USP30: variants seen among roughly 807,000 people sequenced by gnomAD.
USP30 encodes the protein ubiquitin carboxyl-terminal hydrolase 30.
A neutral mutation model predicts 68.2 loss-of-function variants in USP30; 41 were observed. The observed-to-expected ratio is 0.60, with a 90% CI of 0.47 to 0.78. The LOEUF (loss-of-function observed/expected upper bound fraction) is 0.78. USP30 is among the 30% of genes least tolerant of loss of function. USP30 has a pLI of 0.00. For synonymous variants in USP30, 229 were observed against 253.7 expected (o/e 0.90, Z 0.93); for missense variants, 522 against 649.4 (o/e 0.80, Z 2.13).
At position 109,042,937 on chromosome 12, in the gene USP30, C is replaced by T. The variant is rs2040574976; in HGVS notation, c.-135-4653C>T. Among the ~76,000 whole-genome samples the T allele has an allele frequency of 3.3e-5, 5 of 152,198 alleles. No homozygotes were observed. In the South Asian group the frequency reaches 1.0e-3, roughly 32 times the overall value. On this transcript the variant is annotated intron_variant, in intron 3 of 15. Transcript: ENST00000392784. ...ACAAAGAAAGTCAATACACAAGAAT[C>T]CATTGCATTTCTAGATACTAACAAT...
rs1242162647 is a variant in USP30 at position 109,086,962 on chromosome 12, A to C, written c.*1031A>C. ...AAGGGTTAGATTTGATGACCACCAA[A>C]GTTCAGCCCTTTTCACGAAAAGGAG... is the stretch of plus-strand genomic sequence containing the variant. On this transcript the variant is annotated 3_prime_UTR_variant, in exon 13 of 13. Transcript: ENST00000257548. 1 of 152,062 alleles carries C rather than the reference A, an allele frequency of 6.6e-6. No individual in the cohort carries two copies. The highest frequency in any genetic ancestry group is 1.5e-5 in the Non-Finnish European group (1 of 68,022). 9.4% of individuals were successfully genotyped at this position (152,062 alleles called of 1,614,324 possible).
intron 3 of USP30, among the ~76,000 whole-genome samples, chr12:109,037,121 A>G (rs1387329640): frequency 6.6e-6 from 1 of 151,140 alleles, no homozygotes; most frequent in Non-Finnish European, 1.5e-5. Flanking sequence ...TCCTTCAATT[A>G]TTTTTCCTTC....
intron 3 of USP30, among the ~76,000 whole-genome samples, chr12:109,060,756 G>T (rs920049526): frequency 6.6e-6 from 1 of 151,940 alleles, no homozygotes; most frequent in Non-Finnish European, 1.5e-5. Context: ...CCAGGTTCAA[G>T]CAATTCTCCT....
chr12:109,073,403 A>G, intron 6 of USP30, 35 bp from the exon 7 acceptor site: 3 of 1,493,214 alleles, frequency 2.0e-6, no homozygotes, highest in Non-Finnish European at 2.8e-6. Context: ...CCAAAGGGCT[A>G]AAAGTGACAT....
chr12:109,058,998 G>C (rs2040970604), intron 3 of USP30, among the ~76,000 whole-genome samples: 1 of 152,158 alleles, frequency 6.6e-6, no homozygotes, highest in African/African-American at 2.4e-5. Flanking sequence ...ACTCAGTACT[G>C]TTTGACCCAG....
upstream of USP30, among the ~76,000 whole-genome samples, chr12:109,050,767 G>A (rs2040655240): frequency 6.6e-6 from 1 of 151,898 alleles, no homozygotes. Context: ...CCAACACTTT[G>A]GGAGCCCGAG....
At chr12:109,061,732 C>T (rs1004384077) in intron 3 of USP30, among the ~76,000 whole-genome samples, 1 of 151,966 alleles carries the variant, frequency 6.6e-6, no homozygotes, top group Non-Finnish European at 1.5e-5. Context: ...TTTAATTATA[C>T]AAGTAATGCA....
In USP30 at chr12:109,081,362, G is replaced by GCCTTTCA; in HGVS notation, c.751_757dup (p.Leu253ProfsTer35). The GCCTTTCA allele has an allele frequency of 1.2e-6, 2 of 1,614,020 alleles. No homozygotes were observed. Among genetic ancestry groups the GCCTTTCA allele is most frequent in the Non-Finnish European group, 1.7e-6 (2 of 1,180,002 alleles). On this transcript the variant is annotated frameshift_variant, in exon 8 of 13. Transcript: ENST00000257548. LOFTEE classifies it high-confidence loss of function. ...CCTGTTCGATTTGATACCTTTGATAGCCTTTCACTAAGTATTCCAGCCGCC... is the reference window on the plus strand; with the variant it reads ...CCTGTTCGATTTGATACCTTTGATAGCCTTTCACCTTTCACTAAGTATTCCAGCCGCC...
chr12:109,084,088 C>T lies in USP30; in HGVS notation c.1169-865C>T, dbSNP rs74690825. Among the ~76,000 whole-genome samples, 1,437 of 152,262 alleles carry T rather than the reference C, an allele frequency of 9.4e-3. 12 individuals are homozygous for T. Among genetic ancestry groups the T allele is most frequent in the South Asian group, 0.041 (199 of 4,826 alleles). ...TAAAGATGCCAGCAGTAGGGCCACT[C>T]GTGGTGGCTCACACCTGCAATCCCA... is the stretch of plus-strand genomic sequence containing the variant. On this transcript the variant is annotated intron_variant, in intron 11 of 12. Transcript: ENST00000257548.
intron 1 of USP30, chr12:109,053,963 A>G (rs2040757223): frequency 2.2e-6 from 1 of 455,678 alleles, no homozygotes; most frequent in Non-Finnish European, 4.4e-6. Context: ...ACTGTGACCA[A>G]GTTGGGCTCT....
Position 109,082,975 on chromosome 12 carries a change from C to A in USP30, c.1081C>A (p.His361Asn). 6.2e-7 allele frequency: 1 copy of A among 1,614,216 alleles called. No individual in the cohort carries two copies. The highest frequency in any genetic ancestry group is 2.2e-5 in the East Asian group (1 of 44,882). The change falls in exon 11 of 13, where the codon CAT (histidine) becomes AAT (asparagine). Residue 361 changes from histidine to asparagine, a missense_variant. Physicochemically the swap from His to Asn is moderately conservative, Grantham distance 68 (BLOSUM62 1). Coordinates refer to ENST00000257548, the MANE Select transcript of USP30 (RefSeq NM_032663.5). Reference protein sequence around the residue: ...MDIYKYHLLGHKPSQHNPKLN... With the variant: ...MDIYKYHLLGNKPSQHNPKLN... The stretch of plus-strand genomic sequence containing the variant: ...CATTTACAAGTACCACCTCCTTGGA[C>A]ATAAACCTAGTCAACACAACCCTAA...
chr12:109,074,546 G>T (rs2041538220), intron 7 of USP30, among the ~76,000 whole-genome samples: 1 of 152,148 alleles, frequency 6.6e-6, no homozygotes, highest in South Asian at 2.1e-4. Context: ...TTTGATGTCA[G>T]CCCACTCTCT....
chr12:109,026,542 C>T (rs1416107916), intron 2 of USP30, among the ~76,000 whole-genome samples: 1 of 151,928 alleles, frequency 6.6e-6, no homozygotes, highest in Non-Finnish European at 1.5e-5. Context: ...TCACTGCAGC[C>T]TCAACCTCCC....
chr12:109,042,133 C>T (rs954409837), intron 3 of USP30, among the ~76,000 whole-genome samples: 2 of 151,214 alleles, frequency 1.3e-5, no homozygotes, highest in Non-Finnish European at 2.9e-5. Flanking sequence ...TATCTTCATA[C>T]GAGATTGTGA....
intron 3 of USP30, among the ~76,000 whole-genome samples, chr12:109,045,908 A>C (rs1385740079): frequency 1.3e-5 from 2 of 152,174 alleles, no homozygotes; most frequent in Non-Finnish European, 2.9e-5. Context: ...ACATGTAGAC[A>C]TAGATATAGA....
chr12:109,037,236 A>G (rs1027267194), intron 3 of USP30, among the ~76,000 whole-genome samples: 1 of 152,130 alleles, frequency 6.6e-6, no homozygotes, highest in Non-Finnish European at 1.5e-5. Flanking sequence ...CAGTTATTCT[A>G]CTTTTCAACT....
At position 109,045,330 on chromosome 12, in the gene USP30, T is replaced by C. The variant is rs117993355; in HGVS notation, c.-135-2260T>C. Among the ~76,000 whole-genome samples the C allele has an allele frequency of 3.0e-3, 460 of 152,272 alleles. 21 individuals are homozygous for C. In the East Asian group the frequency reaches 0.084, roughly 28 times the overall value. ...TACTTATGTTCCATTTCCTATCCTC[T>C]CTTTAGCCCATTCTCAGGTGTTAAT... On this transcript the variant is annotated intron_variant, in intron 3 of 15. Transcript: ENST00000392784.
upstream of USP30, among the ~76,000 whole-genome samples, chr12:109,051,249 CTTTTTTTTT>C (rs138942249): frequency 1.3e-4 from 8 of 63,582 alleles, 1 homozygote; most frequent in East Asian, 2.4e-3. Flanking sequence ...TTACCTCTTG[CTTTTTTTTT>C]TTTTTTTTTT....
At position 109,082,876 on chromosome 12, in the gene USP30, C is replaced by G. The variant is rs1297985165; in HGVS notation, c.982C>G (p.Leu328Val). The G allele has an allele frequency of 6.2e-7, 1 of 1,614,118 alleles. No individual in the cohort carries two copies. Among genetic ancestry groups the G allele is most frequent in the Non-Finnish European group, 8.5e-7 (1 of 1,180,030 alleles). Residue 328 changes from leucine to valine, a missense_variant, in exon 11 of 13, where the codon CTG becomes GTG. By Grantham distance (32) the Leu-to-Val change is conservative. Coordinates refer to ENST00000257548, the MANE Select transcript of USP30 (RefSeq NM_032663.5). ...PQCLCIHLQRLSWSSHGTPLK... is the reference protein window; with the variant it reads ...PQCLCIHLQRVSWSSHGTPLK... ...GTGTCTCTGCATCCACCTACAGCGG[C>G]TGAGCTGGTCCAGCCACGGCACGCC...
Sources: allele counts gnomAD v4.1 joint callset (sites outside exome capture counted in the v4.1 genomes callset), GRCh38; gene constraint gnomAD v4.1.1; transcripts MANE v1.5; gene names NCBI Gene and HGNC (gene_info 2026-07-23, HGNC 2026-07-21).